Variants in SPRY3 observed in about 807,000 individuals in gnomAD.
SPRY3 encodes the protein sprouty RTK signaling antagonist 3.
A neutral mutation model predicts 20.2 loss-of-function variants in SPRY3; 15 were observed. That is an observed-to-expected ratio of 0.74 (90% CI 0.50 to 1.14). SPRY3 has a LOEUF of 1.14. Ranked by LOEUF, SPRY3 falls within the 50% of genes most tolerant of loss-of-function variation. The pLI, the probability that SPRY3 is intolerant of heterozygous loss-of-function variation, is 0.00. For missense variants in SPRY3, 364 were observed against 363.9 expected (o/e 1.00, Z 0.00); for synonymous variants, 143 against 136.5 (o/e 1.05, Z -0.33).
intron 2 of SPRY3, among the ~76,000 whole-genome samples, chrX:155,749,219 A>G (rs940152035): frequency 6.6e-6 from 1 of 151,970 alleles, no homozygotes; most frequent in African/African-American, 2.4e-5. Context: ...AATGAGTGGT[A>G]ACTATGTGTT....
chrX:155,634,010 G>A (rs1489933019), intron 1 of SPRY3, among the ~76,000 whole-genome samples: 1 of 110,663 alleles, frequency 9.0e-6, no homozygotes, highest in African/African-American at 3.3e-5. Flanking sequence ...AAACCCAGGA[G>A]GCGGAGGTTG....
At chrX:155,773,307 G>GTTTTATATATATATAT (rs4013148) in intron 3 of SPRY3, among the ~76,000 whole-genome samples, 123 of 120,704 alleles carry the variant, frequency 1.0e-3, no homozygotes, top group East Asian at 4.8e-3. Flanking sequence ...ATTTTGATTG[G>GTTTTATATATATATAT]ATATATATAT....
At chrX:155,667,707 AATAC>A (rs2068028813) in intron 2 of SPRY3, among the ~76,000 whole-genome samples, 1 of 111,291 alleles carries the variant, frequency 9.0e-6, no homozygotes, top group Admixed American at 9.6e-5. Context: ...AGATAATTAC[AATAC>A]ATACATTTGA....
intron 1 of SPRY3, among the ~76,000 whole-genome samples, chrX:155,620,639 CT>C (rs1174573255): frequency 9.0e-6 from 1 of 111,209 alleles, no homozygotes; most frequent in African/African-American, 3.3e-5. Flanking sequence ...TTAAATTATG[CT>C]GGTAGAAAGT....
downstream of SPRY3, chrX:155,779,012 C>T (rs1462437909): frequency 6.0e-6 from 1 of 167,080 alleles, no homozygotes; most frequent in African/African-American, 2.4e-5. Context: ...TGGCCACAGT[C>T]TGTTCCTTGG....
rs765168737 is a variant in SPRY3, at chrX:155,774,205, A to G, written c.334A>G (p.Ile112Val). 20 of 1,613,966 alleles carry G rather than the reference A, an allele frequency of 1.2e-5. No homozygotes were observed. The East Asian group carries it at 2.5e-4, about 20-fold the overall frequency. ...TACACCCTCACCTTCAGGCCAATCC[A>G]TCATCCGAACCCAACCTGGAGCAGG... The change falls in exon 4 of 4, where the codon ATC (isoleucine) becomes GTC (valine). Residue 112 changes from isoleucine (I) to valine (V), a missense_variant. Ile to Val is a conservative substitution (Grantham distance 29). Coordinates refer to ENST00000675360, the Ensembl canonical transcript of SPRY3.
At chrX:155,767,671 G>C (rs1455704040) in intron 2 of SPRY3, 1 of 148,358 alleles carries the variant, frequency 6.7e-6, no homozygotes, top group Non-Finnish European at 1.5e-5. Flanking sequence ...GGAGGAGAAG[G>C]GGGAGGAGAA....
chrX:155,698,573 G>T (rs2068126438), intron 2 of SPRY3, among the ~76,000 whole-genome samples: 1 of 111,572 alleles, frequency 9.0e-6, no homozygotes, highest in Non-Finnish European at 1.9e-5. Flanking sequence ...CATTTTATAG[G>T]CTCTCAATGA....
At chrX:155,749,079 GC>G (rs2091244835) in intron 2 of SPRY3, among the ~76,000 whole-genome samples, 1 of 151,802 alleles carries the variant, frequency 6.6e-6, no homozygotes, top group African/African-American at 2.4e-5. Flanking sequence ...ATCACACAAT[GC>G]CCAATACATA....
At chrX:155,770,628 TTCTCTCTCTCTC>T (rs371698358) in intron 3 of SPRY3, among the ~76,000 whole-genome samples, 12 of 146,546 alleles carry the variant, frequency 8.2e-5, no homozygotes, top group African/African-American at 3.0e-4. Context: ...GATGTGTACA[TTCTCTCTCTCTC>T]TCTCTCTCTC....
intron 2 of SPRY3, among the ~76,000 whole-genome samples, chrX:155,754,089 T>C (rs2091274590): frequency 6.6e-6 from 1 of 152,022 alleles, no homozygotes; most frequent in Non-Finnish European, 1.5e-5. Flanking sequence ...GGTTTTGATT[T>C]TGAAGAAACG....
At chrX:155,715,003 C>T (rs1248209812) in intron 2 of SPRY3, among the ~76,000 whole-genome samples, 1 of 152,082 alleles carries the variant, frequency 6.6e-6, no homozygotes, top group Non-Finnish European at 1.5e-5. Flanking sequence ...AGAGCAGGTC[C>T]AGAAATGCTG....
chrX:155,659,196 G>C (rs2068002588), intron 2 of SPRY3, among the ~76,000 whole-genome samples: 2 of 105,251 alleles, frequency 1.9e-5, no homozygotes, highest in African/African-American at 7.0e-5. Flanking sequence ...CCAGGCTGAA[G>C]TGCAGTGGCA....
chrX:155,635,467 A>T (rs1228137909), intron 1 of SPRY3, among the ~76,000 whole-genome samples: 1 of 111,781 alleles, frequency 8.9e-6, no homozygotes, highest in African/African-American at 3.3e-5. Context: ...TATTCATCTG[A>T]CAAAGGGCTA....
chrX:155,780,386 G>A (rs889078723), downstream of SPRY3: 1 of 166,898 alleles, frequency 6.0e-6, no homozygotes, highest in Non-Finnish European at 1.5e-5. Context: ...ACCCTGAAGA[G>A]TCATTTTGAA....
downstream of SPRY3, chrX:155,780,199 A>G (rs1361220901): frequency 1.2e-5 from 2 of 167,024 alleles, no homozygotes; most frequent in African/African-American, 2.4e-5. Context: ...TAACCTGGCA[A>G]TCCTTTTGAC....
chrX:155,763,895 C>G (rs2091314127), intron 2 of SPRY3, among the ~76,000 whole-genome samples: 1 of 152,088 alleles, frequency 6.6e-6, no homozygotes, highest in African/African-American at 2.4e-5. Flanking sequence ...ACTGTCATAT[C>G]AGAAATGATC....
chrX:155,767,262 A>C (rs1361313318), intron 2 of SPRY3, among the ~76,000 whole-genome samples: 2 of 151,818 alleles, frequency 1.3e-5, no homozygotes, highest in Admixed American at 6.6e-5. Context: ...AACGAGGAGC[A>C]ATAAATCCCT....
At chrX:155,706,890 A>G (rs619051) in intron 2 of SPRY3, among the ~76,000 whole-genome samples, 40,276 of 150,866 alleles carry the variant, frequency 0.27, 5,945 homozygotes, top group African/African-American at 0.46. Flanking sequence ...TTTCATTGGT[A>G]CATTCTCCCA....
Sources: allele counts gnomAD v4.1 joint callset (sites outside exome capture counted in the v4.1 genomes callset), GRCh38; gene constraint gnomAD v4.1.1; transcripts MANE v1.5; gene names NCBI Gene and HGNC (gene_info 2026-07-23, HGNC 2026-07-21).